The following VDR variants were observed in gnomAD, a reference collection of about 807,000 sequenced individuals.
VDR encodes the protein vitamin D3 receptor.
A neutral mutation model predicts 39.7 loss-of-function variants in VDR; 19 were observed. The observed-to-expected ratio is 0.48, with a 90% confidence interval of 0.33 to 0.70. The LOEUF (loss-of-function observed/expected upper bound fraction) is 0.70, where lower values mean the gene tolerates loss of function less well. Ranked by LOEUF, VDR falls within the 30% of genes least tolerant of loss-of-function variation. The pLI is 0.02. For synonymous variants in VDR, 242 were observed against 215.8 expected (o/e 1.12, Z -1.07); for missense variants, 442 against 570.5 (o/e 0.77, Z 2.29).
chr12:47,856,062 A>G (rs11574088), intron 6 of VDR, among the ~76,000 whole-genome samples: 87 of 152,368 alleles, frequency 5.7e-4, no homozygotes, highest in South Asian at 4.8e-3. Context: ...TGCTGTTCCT[A>G]TGGATCTCAA....
At chr12:47,898,990 G>T (rs566706440) in intron 1 of VDR, among the ~76,000 whole-genome samples, 2 of 152,176 alleles carry the variant, frequency 1.3e-5, no homozygotes, top group Non-Finnish European at 2.9e-5. Flanking sequence ...GGTAGGTACA[G>T]GGTATAGGAT....
At chr12:47,867,530 C>T (rs1222716149) in intron 3 of VDR, among the ~76,000 whole-genome samples, 2 of 152,172 alleles carry the variant, frequency 1.3e-5, no homozygotes, top group Non-Finnish European at 2.9e-5. Context: ...ATAAAGGACA[C>T]CTCCCTGAGG....
intron 7 of VDR, among the ~76,000 whole-genome samples, chr12:47,855,407 C>T (rs1237738892): frequency 6.6e-6 from 1 of 151,974 alleles, no homozygotes; most frequent in African/African-American, 2.4e-5. Context: ...GTAATCCCAG[C>T]TACTTGGGAG....
intron 1 of VDR, chr12:47,897,165 C>T (rs750707904): frequency 1.3e-5 from 2 of 152,160 alleles, no homozygotes; most frequent in Non-Finnish European, 2.9e-5. Context: ...TTGGTTTCCT[C>T]TTCTATAAAA....
chr12:47,879,830 T>C (rs1276188457), intron 2 of VDR, among the ~76,000 whole-genome samples: 1 of 152,226 alleles, frequency 6.6e-6, no homozygotes, highest in African/African-American at 2.4e-5. Flanking sequence ...ATGTGAGTCC[T>C]ATACAATTAA....
At chr12:47,899,650 A>T (rs1393896660) in intron 1 of VDR, among the ~76,000 whole-genome samples, 1 of 152,196 alleles carries the variant, frequency 6.6e-6, no homozygotes, top group Non-Finnish European at 1.5e-5. Flanking sequence ...GGGCAGGCTG[A>T]GCATTTTCTC....
intron 7 of VDR, among the ~76,000 whole-genome samples, chr12:47,854,262 C>T (rs1945441284): frequency 6.6e-6 from 1 of 152,038 alleles, no homozygotes; most frequent in Non-Finnish European, 1.5e-5. Flanking sequence ...GGTGGGACTA[C>T]AGGCATGTGC....
rs772197934 is a variant in VDR at position 47,857,678 on chromosome 12, T to C, written c.288A>G (p.Thr96=). The C allele has an allele frequency of 3.7e-6, 6 of 1,613,580 alleles. No individual in the cohort carries two copies. The highest frequency in any genetic ancestry group is 2.5e-6 in the Non-Finnish European group (3 of 1,179,666). The change falls in exon 5 of 10, where the codon ACA becomes ACG. Residue 96 remains threonine (T), a synonymous_variant. Coordinates refer to ENST00000549336, the MANE Select transcript of VDR (RefSeq NM_000376.3). ...CCCGCTTCCTCTGCACTTCCTCATC[T>C]GTCAGAATGACTGTGGGGTGGGAAG... is the stretch of plus-strand genomic sequence containing the variant. The part of the protein sequence containing the change: ...DIGMMKEFIL[T]DEEVQRKREM...
intron 3 of VDR, among the ~76,000 whole-genome samples, chr12:47,869,646 G>A (rs761601126): frequency 5.9e-5 from 9 of 151,804 alleles, no homozygotes; most frequent in Non-Finnish European, 1.3e-4. Flanking sequence ...TGTAAGCCCA[G>A]CACTTTGGGA....
chr12:47,897,135 C>T (rs957709661), intron 1 of VDR: 2 of 152,186 alleles, frequency 1.3e-5, no homozygotes, highest in African/African-American at 4.8e-5. Context: ...AGGAATTTAG[C>T]CTCTTAATCT....
rs191930901 is a variant in VDR, at chr12:47,882,801, A to G, written c.-83-27T>C. On this transcript the variant is annotated intron_variant, in intron 1 of 9. Transcript: ENST00000549336. Reference sequence around the variant, plus strand: ...TGAAATGAAGAAGGGGAAACCTTTTATCTAAGGCGGAGCGCTGACCGCCTC... The same window carrying G: ...TGAAATGAAGAAGGGGAAACCTTTTGTCTAAGGCGGAGCGCTGACCGCCTC... The G allele has an allele frequency of 2.0e-5, 31 of 1,527,084 alleles. No individual in the cohort carries two copies. In the East Asian group the frequency reaches 6.9e-4, roughly 34 times the overall value. 94.6% of individuals were successfully genotyped at this position (1,527,084 alleles called of 1,614,324 possible).
At chr12:47,895,001 C>A (rs1396194018) in intron 1 of VDR, among the ~76,000 whole-genome samples, 1 of 152,242 alleles carries the variant, frequency 6.6e-6, no homozygotes, top group Non-Finnish European at 1.5e-5. Flanking sequence ...AAGGAGAAAA[C>A]ACTGCGACTT....
chr12:47,897,518 G>A (rs1238164505), intron 1 of VDR, among the ~76,000 whole-genome samples: 1 of 152,188 alleles, frequency 6.6e-6, no homozygotes, highest in Non-Finnish European at 1.5e-5. Flanking sequence ...GAGAGCTGAG[G>A]TGGCCCATGC....
chr12:47,904,618 T>G (rs1022331654), intron 1 of VDR: 11 of 1,535,814 alleles, frequency 7.2e-6, no homozygotes, highest in South Asian at 1.2e-5. Flanking sequence ...CTTTTCTTAT[T>G]CCTCCACTCC....
At position 47,879,114 on chromosome 12, in the gene VDR, C is replaced by T. The variant is rs1376862427; in HGVS notation, c.-1G>A. The T allele has an allele frequency of 4.3e-6, 7 of 1,613,830 alleles. No homozygotes were observed. The highest frequency in any genetic ancestry group is 5.1e-6 in the Non-Finnish European group (6 of 1,179,870). On this transcript the variant is annotated splice_region_variant and 5_prime_UTR_variant, in exon 3 of 10. Transcript: ENST00000549336. The stretch of plus-strand genomic sequence containing the variant: ...AAGTGCTGGCCGCCATTGCCTCCAT[C>T]CCTGTAAGAACAGCAAGCAGGCCAC...
chr12:47,844,503 G>A lies in VDR; in HGVS notation c.*243C>T, dbSNP rs1405356614. ...GCCTCTGCCCTCTGCCCCCACTTGG[G>A]TTTCTTTGTCAAACAAACAGCAACT... On this transcript the variant is annotated 3_prime_UTR_variant, in exon 10 of 10. Coordinates refer to ENST00000549336, the MANE Select transcript of VDR (RefSeq NM_000376.3). The A allele has an allele frequency of 1.6e-6, 1 of 613,914 alleles. No homozygotes were observed. The highest frequency in any genetic ancestry group is 2.8e-6 in the Non-Finnish European group (1 of 351,258). The allele number at this position is 613,914 out of a possible 1,614,324, so 38.0% of individuals were successfully genotyped here. A position where few individuals can be genotyped will look rare whatever the true frequency, so the allele number is the denominator to read the frequency against.
At chr12:47,873,351 C>A (rs1361112679) in intron 3 of VDR, among the ~76,000 whole-genome samples, 6 of 98,456 alleles carry the variant, frequency 6.1e-5, no homozygotes, top group East Asian at 4.3e-4. Context: ...AACCTGTTTT[C>A]TTTTTTTTTT....
At chr12:47,895,373 C>T (rs190416785) in intron 1 of VDR, among the ~76,000 whole-genome samples, 35 of 152,130 alleles carry the variant, frequency 2.3e-4, no homozygotes, top group Admixed American at 1.8e-3. Flanking sequence ...TGAGGAAATA[C>T]CTTCCTGAGA....
intron 1 of VDR, chr12:47,896,727 T>G (rs998081565): frequency 6.6e-6 from 1 of 152,012 alleles, no homozygotes; most frequent in African/African-American, 2.4e-5. Flanking sequence ...TCAAATGGAG[T>G]TCATTATAAT....
Sources: allele counts gnomAD v4.1 joint callset (sites outside exome capture counted in the v4.1 genomes callset), GRCh38; gene constraint gnomAD v4.1.1; transcripts MANE v1.5; gene names NCBI Gene and HGNC (gene_info 2026-07-23, HGNC 2026-07-21).